Variants in POLN observed in about 807,000 individuals in gnomAD.
POLN encodes DNA polymerase nu.
A neutral mutation model predicts 113.5 loss-of-function variants in POLN; 108 were observed. The ratio of observed to expected loss-of-function variants is 0.95; its 90% CI spans 0.81 to 1.12. The LOEUF (loss-of-function observed/expected upper bound fraction) is 1.12, where lower values mean the gene tolerates loss of function less well. Ranked by LOEUF, POLN falls within the 50% of genes most tolerant of loss-of-function variation. The pLI is 0.00. For missense variants in POLN, 1,097 were observed against 1,077.1 expected (o/e 1.02, Z -0.26); for synonymous variants, 386 against 391.5 (o/e 0.99, Z 0.17).
At chr4:2,078,801 C>A (rs905690544) in intron 23 of POLN, 1 of 985,374 alleles carries the variant, frequency 1.0e-6, no homozygotes, top group Admixed American at 6.1e-5. Flanking sequence ...GGATGACCAG[C>A]GAGTAACTGC....
intron 13 of POLN, among the ~76,000 whole-genome samples, chr4:2,161,337 G>A (rs1428878517): frequency 2.0e-5 from 3 of 152,230 alleles, no homozygotes; most frequent in African/African-American, 2.4e-5. Context: ...CAGGGTGGGC[G>A]TGGGCTTGGC....
intron 23 of POLN, chr4:2,079,704 C>A (rs998448894): frequency 1.2e-6 from 1 of 808,848 alleles, no homozygotes; most frequent in Non-Finnish European, 1.5e-6. Flanking sequence ...CCTGCCTCAG[C>A]CTCCTGAGTA....
rs1281886791 is a variant in POLN, at chr4:2,210,618, TAATAATAATAATA to T, written c.214-2144_214-2132del. ...ATAATAATAATAATAATAATAATAATAATAATAATAATAAAAAAAAGAGGCCGGGCATGGTGGC... is the reference window on the plus strand; with the variant it reads ...ATAATAATAATAATAATAATAATAATAAAAAAAGAGGCCGGGCATGGTGGC... On this transcript the variant is annotated intron_variant, in intron 4 of 25. Coordinates refer to ENST00000511885, the MANE Select transcript of POLN (RefSeq NM_181808.4). 1.2e-3 allele frequency among the ~76,000 whole-genome samples: 164 copies of T among 133,466 alleles called. 3 individuals carry two copies. Among genetic ancestry groups the T allele is most frequent in the African/African-American group, 5.1e-3 (159 of 31,476 alleles). 87.6% of individuals were successfully genotyped at this position (133,466 alleles called of 152,430 possible). A position where few individuals can be genotyped will look rare whatever the true frequency, so the allele number is the denominator to read the frequency against.
At chr4:2,237,904 G>GT (rs1199970846) in intron 2 of POLN, among the ~76,000 whole-genome samples, 2 of 152,242 alleles carry the variant, frequency 1.3e-5, no homozygotes, top group Admixed American at 6.5e-5. Flanking sequence ...TCTTATAGAT[G>GT]TAACTACACA....
rs1300785650 is a variant in POLN, at chr4:2,238,530, T to C, written c.-13+2990A>G. 6.2e-6 allele frequency: 6 copies of C among 975,368 alleles called. No homozygotes were observed. The East Asian group carries it at 1.7e-4, about 27-fold the overall frequency. The allele number at this position is 975,368 out of a possible 1,614,324, so 60.4% of individuals were successfully genotyped here. On this transcript the variant is annotated intron_variant, in intron 2 of 25. Coordinates refer to ENST00000511885, the MANE Select transcript of POLN (RefSeq NM_181808.4). ...GAATTGTTAAAAACTTCCAAAATTT[T>C]AGCTCAAACTCTCTCTAGTATTTCG...
At chr4:2,170,947 A>T in intron 12 of POLN, 151 bp downstream of exon 12, 1 of 856,016 alleles carries the variant, frequency 1.2e-6, no homozygotes, top group Non-Finnish European at 1.8e-6. Flanking sequence ...TGAAGTAATG[A>T]ATCTCAATGT....
intron 13 of POLN, among the ~76,000 whole-genome samples, chr4:2,169,204 G>T (rs1732801392): frequency 6.6e-6 from 1 of 152,212 alleles, no homozygotes; most frequent in African/African-American, 2.4e-5. Context: ...CGGGCCTGGG[G>T]ATACGCTCTG....
At chr4:2,118,416 A>G (rs1010723252) in intron 19 of POLN, among the ~76,000 whole-genome samples, 1 of 152,210 alleles carries the variant, frequency 6.6e-6, no homozygotes, top group Non-Finnish European at 1.5e-5. Context: ...TTTCATTCCT[A>G]CTTGTACATA....
chr4:2,182,387 A>G (rs1409388163), intron 7 of POLN, among the ~76,000 whole-genome samples: 2 of 152,192 alleles, frequency 1.3e-5, no homozygotes, highest in African/African-American at 4.8e-5. Context: ...ATGCAGAGGG[A>G]AAAGGCCACA....
At chr4:2,137,095 A>C (rs1233826071) in intron 16 of POLN, among the ~76,000 whole-genome samples, 2 of 152,230 alleles carry the variant, frequency 1.3e-5, no homozygotes, top group African/African-American at 4.8e-5. Flanking sequence ...CACCTACTAC[A>C]CAGCCCAGCA....
At position 2,072,002 on chromosome 4, in the gene POLN, C is replaced by G. The variant is rs1730154369; in HGVS notation, c.*112G>C. 8.0e-7 allele frequency: 1 copy of G among 1,253,750 alleles called. No individual in the cohort carries two copies. Among genetic ancestry groups the G allele is most frequent in the Non-Finnish European group, 1.2e-6 (1 of 853,914 alleles). The allele number at this position is 1,253,750 out of a possible 1,614,324, so 77.7% of individuals were successfully genotyped here. The stretch of plus-strand genomic sequence containing the variant: ...ATTTACTCCAGGGGATGGCGGGCCA[C>G]CCCAGCCCCAAAGGGTTAATGCGTC... On this transcript the variant is annotated 3_prime_UTR_variant, in exon 26 of 26. Transcript: ENST00000511885.
intron 19 of POLN, among the ~76,000 whole-genome samples, chr4:2,107,424 C>G (rs924651657): frequency 1.3e-5 from 2 of 152,122 alleles, no homozygotes; most frequent in Non-Finnish European, 2.9e-5. Context: ...CATGTGTGAT[C>G]TTGCTGTTGT....
intron 19 of POLN, among the ~76,000 whole-genome samples, chr4:2,114,140 C>A (rs949013993): frequency 6.6e-6 from 1 of 151,724 alleles, no homozygotes; most frequent in Non-Finnish European, 1.5e-5. Context: ...CTCAAGTGAC[C>A]CTCCCACCTT....
chr4:2,125,404 G>A (rs569015957), intron 19 of POLN, among the ~76,000 whole-genome samples: 6 of 152,304 alleles, frequency 3.9e-5, no homozygotes, highest in Non-Finnish European at 4.4e-5. Flanking sequence ...AAGTAAGAGC[G>A]GGGGTTCTTT....
At position 2,134,516 on chromosome 4, in the gene POLN, G is replaced by A. The variant is rs566401820; in HGVS notation, c.1732-3226C>T. Among the ~76,000 whole-genome samples, 57 of 152,176 alleles carry A rather than the reference G, an allele frequency of 3.7e-4. 1 individual carries two copies. Among genetic ancestry groups the A allele is most frequent in the African/African-American group, 1.2e-3 (51 of 41,486 alleles). On this transcript the variant is annotated intron_variant, in intron 16 of 25. Transcript: ENST00000511885. ...ACACCCTCACCAATTAATAATGTAAGGTTTTTGTTTGTTTGTTTGTTTTGC... is the reference window on the plus strand; with the variant it reads ...ACACCCTCACCAATTAATAATGTAAAGTTTTTGTTTGTTTGTTTGTTTTGC...
chr4:2,205,861 C>T (rs1472544002), intron 5 of POLN, among the ~76,000 whole-genome samples: 10 of 139,048 alleles, frequency 7.2e-5, no homozygotes, highest in South Asian at 4.4e-4. Context: ...GGCGACAGAG[C>T]GAGACTCTGT....
At chr4:2,202,146 G>T (rs1018614500) in intron 5 of POLN, among the ~76,000 whole-genome samples, 3 of 151,684 alleles carry the variant, frequency 2.0e-5, no homozygotes, top group Admixed American at 6.6e-5. Flanking sequence ...AAAAAACAAC[G>T]TATACCAGCA....
At chr4:2,137,236 G>A (rs1400180917) in intron 16 of POLN, among the ~76,000 whole-genome samples, 1 of 152,228 alleles carries the variant, frequency 6.6e-6, no homozygotes, top group African/African-American at 2.4e-5. Flanking sequence ...CATAAGTTAA[G>A]TAACTTGCTA....
At chr4:2,098,012 T>G (rs549520296) in intron 19 of POLN, among the ~76,000 whole-genome samples, 4 of 152,244 alleles carry the variant, frequency 2.6e-5, no homozygotes, top group Non-Finnish European at 4.4e-5. Flanking sequence ...TAAGTACCAA[T>G]GCATTTCCAG....
Sources: gnomAD v4.1 joint callset for allele counts (sites outside exome capture counted in the v4.1 genomes callset) on GRCh38, gnomAD v4.1.1 for gene constraint, MANE v1.5 for transcripts, NCBI Gene and HGNC (gene_info 2026-07-23, HGNC 2026-07-21) for gene names.